MAD1L1: variants seen among roughly 807,000 people sequenced by gnomAD.
MAD1L1 encodes mitotic arrest deficient 1 like 1, also known as mitotic spindle assembly checkpoint protein MAD1.
Under a neutral mutation model 96.9 loss-of-function variants are expected in MAD1L1, and 95 were observed. The observed-to-expected ratio is 0.98, with a 90% CI of 0.83 to 1.16. The LOEUF is 1.16. Ranked by LOEUF, MAD1L1 falls within the 50% of genes most tolerant of loss-of-function variation. The pLI is 0.00. For synonymous variants in MAD1L1, 473 were observed against 396.6 expected (o/e 1.19, Z -2.29); for missense variants, 1,007 against 954.4 (o/e 1.06, Z -0.73).
chr7:2,170,384 C>T (rs370666424), intron 10 of MAD1L1, among the ~76,000 whole-genome samples: 2 of 152,060 alleles, frequency 1.3e-5, no homozygotes, highest in African/African-American at 4.8e-5. Flanking sequence ...TGGAGTGGGC[C>T]GTAACAGGGA....
At chr7:2,197,102 C>T (rs1469096149) in intron 10 of MAD1L1, among the ~76,000 whole-genome samples, 2 of 152,252 alleles carry the variant, frequency 1.3e-5, no homozygotes. Context: ...CAGGACAGGA[C>T]AGATCCCTGC....
intron 12 of MAD1L1, among the ~76,000 whole-genome samples, chr7:2,067,627 A>C (rs62444917): frequency 0.28 from 42,752 of 151,940 alleles, 6,268 homozygotes; most frequent in South Asian, 0.43. Context: ...AGCCCGAACC[A>C]CCGCAGTGGT....
intron 18 of MAD1L1, among the ~76,000 whole-genome samples, chr7:1,823,534 C>G (rs1319277198): frequency 1.3e-5 from 2 of 152,162 alleles, no homozygotes; most frequent in Non-Finnish European, 2.9e-5. Flanking sequence ...ACCCTGGCAC[C>G]TGGAGGGGTG....
At chr7:2,216,445 C>A (rs1041710524) in intron 7 of MAD1L1, among the ~76,000 whole-genome samples, 158 bp from the exon 8 acceptor site, 1 of 152,300 alleles carries the variant, frequency 6.6e-6, no homozygotes, top group Non-Finnish European at 1.5e-5. Context: ...AAGGGGTTGT[C>A]AAGGGCTCAG....
intron 11 of MAD1L1, among the ~76,000 whole-genome samples, chr7:2,137,071 C>G (rs1788787314): frequency 6.6e-6 from 1 of 152,194 alleles, no homozygotes; most frequent in Admixed American, 6.5e-5. Context: ...TGACCCTGCT[C>G]TAGGCTCCGC....
chr7:1,966,025 G>A (rs537119288), intron 15 of MAD1L1, among the ~76,000 whole-genome samples: 2 of 152,318 alleles, frequency 1.3e-5, no homozygotes, highest in East Asian at 1.9e-4. Context: ...GGTGAGAGCT[G>A]AGGGCGTCCC....
chr7:2,192,138 GT>G (rs887926229), intron 10 of MAD1L1, among the ~76,000 whole-genome samples: 11 of 148,632 alleles, frequency 7.4e-5, no homozygotes, highest in Non-Finnish European at 1.2e-4. Context: ...TGTTTTTTTT[GT>G]TTTTTTTTGA....
intron 17 of MAD1L1, among the ~76,000 whole-genome samples, chr7:1,899,304 G>C (rs1031721935): frequency 1.3e-5 from 2 of 152,334 alleles, no homozygotes; most frequent in South Asian, 2.1e-4. Flanking sequence ...GACGCACACA[G>C]AGCCGTCCCC....
chr7:2,038,870 TAC>T (rs1489852323), intron 12 of MAD1L1, among the ~76,000 whole-genome samples: 1 of 152,116 alleles, frequency 6.6e-6, no homozygotes, highest in East Asian at 1.9e-4. Context: ...TAAAAAATAA[TAC>T]AGAGATCACA....
intron 18 of MAD1L1, among the ~76,000 whole-genome samples, chr7:1,856,536 T>A (rs112392126): frequency 1.3e-5 from 2 of 152,338 alleles, no homozygotes; most frequent in South Asian, 4.1e-4. Flanking sequence ...TAATTTCTCA[T>A]TGGGGCCTGC....
At chr7:2,022,096 C>A (rs981492591) in intron 12 of MAD1L1, among the ~76,000 whole-genome samples, 1 of 152,150 alleles carries the variant, frequency 6.6e-6, no homozygotes, top group Non-Finnish European at 1.5e-5. Context: ...GCTGGGACTG[C>A]AGCTGTGAGC....
intron 12 of MAD1L1, among the ~76,000 whole-genome samples, chr7:2,036,508 G>T (rs568767497): frequency 3.3e-5 from 5 of 152,180 alleles, no homozygotes; most frequent in African/African-American, 1.2e-4. Context: ...CCATCCGGTC[G>T]TGAGTTTGGA....
At chr7:2,010,304 A>G (rs917746365) in intron 13 of MAD1L1, among the ~76,000 whole-genome samples, 5 of 152,180 alleles carry the variant, frequency 3.3e-5, no homozygotes, top group Admixed American at 6.5e-5. Flanking sequence ...ACGGGGAGGA[A>G]GGGAAGACGG....
At chr7:2,090,701 T>G (rs552533164) in intron 11 of MAD1L1, among the ~76,000 whole-genome samples, 1 of 152,314 alleles carries the variant, frequency 6.6e-6, no homozygotes, top group African/African-American at 2.4e-5. Flanking sequence ...AGGTGTGTGT[T>G]GAGGCTGGAC....
In MAD1L1 at chr7:2,103,249, C is replaced by T. The variant is rs750498854; in HGVS notation, c.1074-33911G>A. On this transcript the variant is annotated intron_variant, in intron 11 of 18. Transcript: ENST00000265854. This position sits in a 1 kb window ranked among gnomAD's most constrained non-coding sequence, Gnocchi z 4.3. Reference sequence around the variant, plus strand: ...CAGAGGGAGGCCGTCCATCCGGCCACGCTGAGGGCCGGGTCGCAGCCCAAG... The same window carrying T: ...CAGAGGGAGGCCGTCCATCCGGCCATGCTGAGGGCCGGGTCGCAGCCCAAG... Among the ~76,000 whole-genome samples the T allele has an allele frequency of 2.0e-5, 3 of 152,280 alleles. No homozygotes were observed. Among genetic ancestry groups the T allele is most frequent in the African/African-American group, 7.2e-5 (3 of 41,562 alleles).
At chr7:2,026,828 G>A (rs1378930787) in intron 12 of MAD1L1, among the ~76,000 whole-genome samples, 2 of 151,842 alleles carry the variant, frequency 1.3e-5, no homozygotes, top group African/African-American at 4.8e-5. Flanking sequence ...ACACAAGAAA[G>A]GATAAATATC....
chr7:2,063,790 C>T (rs143822980), intron 12 of MAD1L1, among the ~76,000 whole-genome samples: 1 of 152,228 alleles, frequency 6.6e-6, no homozygotes, highest in Non-Finnish European at 1.5e-5. Flanking sequence ...AGAACACACT[C>T]CTTCATGATC....
chr7:1,820,661 TG>T (rs1340060718), intron 18 of MAD1L1, among the ~76,000 whole-genome samples: 3 of 152,000 alleles, frequency 2.0e-5, no homozygotes, highest in African/African-American at 7.2e-5. Context: ...TGGGATCACG[TG>T]GGCCTAGGAG....
intron 10 of MAD1L1, among the ~76,000 whole-genome samples, chr7:2,197,886 T>C (rs79596763): frequency 0.096 from 14,658 of 151,932 alleles, 2,384 homozygotes; most frequent in African/African-American, 0.33. Flanking sequence ...CCAAAACTGG[T>C]CCTAGCCCCC....
Sources: gnomAD v4.1 joint callset for allele counts (sites outside exome capture counted in the v4.1 genomes callset) on GRCh38, gnomAD v4.1.1 for gene constraint, Gnocchi (gnomAD v3.1) non-coding constraint, MANE v1.5 for transcripts, NCBI Gene and HGNC (gene_info 2026-07-23, HGNC 2026-07-21) for gene names.